MCF2L2: variants seen among roughly 807,000 people sequenced by gnomAD.
The protein encoded by MCF2L2 is MCF.2 cell line derived transforming sequence-like 2, also known as probable guanine nucleotide exchange factor MCF2L2.
Under a neutral mutation model 150.2 loss-of-function variants are expected in MCF2L2, and 102 were observed. That is an observed-to-expected ratio of 0.68 (90% CI 0.58 to 0.80). The LOEUF (loss-of-function observed/expected upper bound fraction) is 0.80. MCF2L2 is among the 30% of genes least tolerant of loss of function. The probability of loss-of-function intolerance (pLI) is 0.00; values close to 1 mark genes in which losing one functional copy is unlikely to be tolerated. For synonymous variants in MCF2L2, 465 were observed against 491.3 expected, an observed-to-expected ratio of 0.95 and a Z score of 0.71; for missense variants, 1,256 against 1,372.8, an observed-to-expected ratio of 0.91 and a Z score of 1.34.
chr3:183,216,197 G>T, intron 21 of MCF2L2, 103 bp from the exon 22 acceptor site: 1 of 1,232,334 alleles, frequency 8.1e-7, no homozygotes, highest in Non-Finnish European at 1.1e-6. Flanking sequence ...AGCCAACCCT[G>T]ACTGAGAAGG....
At chr3:183,385,266 TTTC>T (rs1287570284) in intron 2 of MCF2L2, among the ~76,000 whole-genome samples, 1 of 152,234 alleles carries the variant, frequency 6.6e-6, no homozygotes, top group African/African-American at 2.4e-5. Flanking sequence ...CCACACTGTA[TTTC>T]TATTAAACAG....
At chr3:183,370,777 G>A (rs534715564) in intron 3 of MCF2L2, among the ~76,000 whole-genome samples, 5 of 105,518 alleles carry the variant, frequency 4.7e-5, no homozygotes, top group East Asian at 6.2e-4. Context: ...TTAAATTCTC[G>A]TGACATGTAA....
At chr3:183,394,898 A>G (rs1244412855) in intron 1 of MCF2L2, among the ~76,000 whole-genome samples, 5 of 152,160 alleles carry the variant, frequency 3.3e-5, no homozygotes, top group Non-Finnish European at 5.9e-5. Flanking sequence ...ATCCTCTTGG[A>G]AAGTCGTTTC....
intron 1 of MCF2L2, among the ~76,000 whole-genome samples, chr3:183,421,556 T>A: frequency 6.6e-6 from 1 of 152,246 alleles, no homozygotes; most frequent in East Asian, 1.9e-4. Context: ...GGGCCTGGGA[T>A]TGCAGGCATA....
chr3:183,292,991 G>C (rs1228138017), intron 13 of MCF2L2, among the ~76,000 whole-genome samples: 1 of 152,090 alleles, frequency 6.6e-6, no homozygotes, highest in East Asian at 1.9e-4. Context: ...AACAAAACAG[G>C]AACTCTAAAT....
intron 15 of MCF2L2, among the ~76,000 whole-genome samples, chr3:183,242,556 T>C (rs1362516801): frequency 6.6e-6 from 1 of 152,214 alleles, no homozygotes; most frequent in Non-Finnish European, 1.5e-5. Flanking sequence ...CACGTAGTGT[T>C]GGGCCTGTGG....
At chr3:183,376,550 T>G (rs537346187) in intron 3 of MCF2L2, 1 of 152,210 alleles carries the variant, frequency 6.6e-6, no homozygotes, top group African/African-American at 2.4e-5. Flanking sequence ...AAGGCAGGAA[T>G]GAAGAGCTGG....
chr3:183,423,205 ACT>A (rs1715974328), intron 1 of MCF2L2, among the ~76,000 whole-genome samples: 1 of 151,862 alleles, frequency 6.6e-6, no homozygotes, highest in African/African-American at 2.4e-5. Context: ...CTCTAATTAG[ACT>A]CTTCTTTCAG....
At chr3:183,255,042 G>C (rs957740409) in intron 15 of MCF2L2, among the ~76,000 whole-genome samples, 3 of 152,192 alleles carry the variant, frequency 2.0e-5, no homozygotes, top group Non-Finnish European at 4.4e-5. Flanking sequence ...TGTGGTAACC[G>C]CACAGTGGCC....
intron 1 of MCF2L2, among the ~76,000 whole-genome samples, chr3:183,411,767 A>G (rs1715325932): frequency 6.6e-6 from 1 of 152,174 alleles, no homozygotes; most frequent in South Asian, 2.1e-4. Context: ...TGGTTCCTGG[A>G]TAACAAATGA....
intron 22 of MCF2L2, among the ~76,000 whole-genome samples, chr3:183,208,409 G>T (rs1463356846): frequency 6.6e-6 from 1 of 152,188 alleles, no homozygotes; most frequent in Non-Finnish European, 1.5e-5. Context: ...TTTTCAGAGT[G>T]AGTCAACAGT....
chr3:183,382,453 G>C (rs1713586905), intron 2 of MCF2L2, among the ~76,000 whole-genome samples: 1 of 152,154 alleles, frequency 6.6e-6, no homozygotes, highest in Non-Finnish European at 1.5e-5. Context: ...TACCAATACT[G>C]AACAGCAGAG....
At chr3:183,415,130 C>T (rs1473058503) in intron 1 of MCF2L2, among the ~76,000 whole-genome samples, 1 of 151,952 alleles carries the variant, frequency 6.6e-6, no homozygotes, top group Non-Finnish European at 1.5e-5. Flanking sequence ...GTTTGTTCTA[C>T]ACATTACTGA....
At chr3:183,276,766 T>C (rs1306313841) in intron 15 of MCF2L2, 106 bp downstream of exon 15, 5 of 746,866 alleles carry the variant, frequency 6.7e-6, no homozygotes, top group Non-Finnish European at 1.1e-5. Flanking sequence ...ATAAATATTA[T>C]GATTCTTATC....
intron 13 of MCF2L2, 89 bp from the exon 14 acceptor site, chr3:183,289,309 G>A (rs566488431): frequency 2.4e-5 from 20 of 824,464 alleles, no homozygotes; most frequent in East Asian, 5.3e-5. Context: ...GCTGGACCAC[G>A]TCAATGTGGC....
At chr3:183,414,352 T>C (rs1409304609) in intron 1 of MCF2L2, among the ~76,000 whole-genome samples, 1 of 152,244 alleles carries the variant, frequency 6.6e-6, no homozygotes, top group Non-Finnish European at 1.5e-5. Context: ...CTAGGTTATC[T>C]TATTTGTTGG....
intron 4 of MCF2L2, 129 bp from the exon 5 acceptor site, chr3:183,339,048 G>A: frequency 1.1e-6 from 1 of 876,182 alleles, no homozygotes; most frequent in Non-Finnish European, 1.6e-6. Flanking sequence ...TGCCATGGAT[G>A]TAAATTTCAC....
chr3:183,270,981 G>A lies in MCF2L2; in HGVS notation c.1862+5891C>T. 5 of 1,489,596 alleles carry A rather than the reference G, an allele frequency of 3.4e-6. No homozygotes were observed. Among genetic ancestry groups the A allele is most frequent in the Non-Finnish European group, 4.5e-6 (5 of 1,114,240 alleles). 92.3% of individuals were successfully genotyped at this position (1,489,596 alleles called of 1,614,324 possible). On this transcript the variant is annotated intron_variant, in intron 15 of 29. Transcript: ENST00000328913. The surrounding 1 kb of genome is among the most constrained non-coding windows in gnomAD (Gnocchi z 4.5). ...TTTTCACTGTCACTGAGTCAAACCT[G>A]GATGAAAAAAACCTTTAAATGTTCG...
chr3:183,320,510 C>A (rs555542545), intron 6 of MCF2L2, among the ~76,000 whole-genome samples: 10 of 152,324 alleles, frequency 6.6e-5, no homozygotes, highest in Non-Finnish European at 1.2e-4. Context: ...TTAAACCTCA[C>A]AAACCAACCC....
Sources: allele counts gnomAD v4.1 joint callset (sites outside exome capture counted in the v4.1 genomes callset), GRCh38; gene constraint gnomAD v4.1.1; non-coding constraint Gnocchi (gnomAD v3.1); transcripts MANE v1.5; gene names NCBI Gene and HGNC (gene_info 2026-07-23, HGNC 2026-07-21).